Variants in DNAI3 observed in about 807,000 individuals in gnomAD.
The protein encoded by DNAI3 is WD repeat domain 63.
DNAI3 carries 83 observed loss-of-function variants against 115.5 expected under a neutral mutation model. That is an observed-to-expected ratio of 0.72 (90% CI 0.60 to 0.86). The LOEUF is 0.86. Among genes scored for constraint, DNAI3 ranks in the 40% least tolerant of loss-of-function variants. DNAI3 has a pLI of 0.00. For missense variants in DNAI3, 1,004 were observed against 1,075.8 expected (o/e 0.93, Z 0.93); for synonymous variants, 320 against 347.0 (o/e 0.92, Z 0.86).
intron 13 of DNAI3, 73 bp from the exon 14 acceptor site, chr1:85,104,448 CAAA>C (rs1443311724): frequency 7.8e-7 from 1 of 1,288,816 alleles, no homozygotes; most frequent in Admixed American, 1.9e-5. Context: ...ACATTTAAAA[CAAA>C]GAAGAAAAGA....
intron 21 of DNAI3, 48 bp downstream of exon 21, chr1:85,128,847 C>A: frequency 6.6e-7 from 1 of 1,514,668 alleles, no homozygotes; most frequent in Non-Finnish European, 9.1e-7. Flanking sequence ...CCAGATATTG[C>A]TGAGATATGT....
At chr1:85,091,033 C>G (rs1674173) in intron 8 of DNAI3, among the ~76,000 whole-genome samples, 74,862 of 151,950 alleles carry the variant, frequency 0.49, 18,700 homozygotes, top group East Asian at 0.7. Flanking sequence ...AACTCTCAAA[C>G]TTGTTACTTA....
At chr1:85,105,350 AT>A (rs1267087632) in intron 14 of DNAI3, among the ~76,000 whole-genome samples, 12 of 152,304 alleles carry the variant, frequency 7.9e-5, no homozygotes, top group African/African-American at 2.9e-4. Flanking sequence ...AGGGAAAGAA[AT>A]AAGCTTATTG....
chr1:85,086,898 C>T (rs1324920900), intron 7 of DNAI3, among the ~76,000 whole-genome samples: 1 of 151,930 alleles, frequency 6.6e-6, no homozygotes, highest in Non-Finnish European at 1.5e-5. Flanking sequence ...GCCTGTCATC[C>T]CAAATGAACC....
rs570839624 is a variant in DNAI3, at chr1:85,105,009, C to T, written c.1553+412C>T. 1.1e-4 allele frequency among the ~76,000 whole-genome samples: 17 copies of T among 152,194 alleles called. No homozygotes were observed. The South Asian group carries it at 2.5e-3, about 22-fold the overall frequency. On this transcript the variant is annotated intron_variant, in intron 14 of 22. Transcript: ENST00000294664. ...ATAAAAAGTGTTTTTATAAACAACTCGGTAGCTACTTTGAAGAAGATTTAC... is the reference window on the plus strand; with the variant it reads ...ATAAAAAGTGTTTTTATAAACAACTTGGTAGCTACTTTGAAGAAGATTTAC...
At chr1:85,108,347 T>G (rs1655553345) in intron 15 of DNAI3, among the ~76,000 whole-genome samples, 170 bp downstream of exon 15, 1 of 152,170 alleles carries the variant, frequency 6.6e-6, no homozygotes, top group South Asian at 2.1e-4. Context: ...GGGAGGATTT[T>G]TAGTTTTATT....
At chr1:85,125,478 C>A (rs996616188) in intron 19 of DNAI3, among the ~76,000 whole-genome samples, 1 of 151,308 alleles carries the variant, frequency 6.6e-6, no homozygotes, top group Admixed American at 6.6e-5. Context: ...TTAGAAACTA[C>A]TTAAATGGTC....
chr1:85,075,835 G>A (rs761148143), intron 3 of DNAI3, among the ~76,000 whole-genome samples: 1 of 152,192 alleles, frequency 6.6e-6, no homozygotes, highest in African/African-American at 2.4e-5. Flanking sequence ...AGACATGAAG[G>A]TGCTGTGACT....
At chr1:85,131,181 T>TCC (rs1344839398) in intron 22 of DNAI3, among the ~76,000 whole-genome samples, 1 of 152,146 alleles carries the variant, frequency 6.6e-6, no homozygotes, top group Non-Finnish European at 1.5e-5. Context: ...GCGCCGTGGC[T>TCC]CACACCTGTA....
chr1:85,078,859 C>T (rs1316947121), intron 3 of DNAI3, among the ~76,000 whole-genome samples: 2 of 152,146 alleles, frequency 1.3e-5, no homozygotes, highest in African/African-American at 2.4e-5. Context: ...AATGTTAGAT[C>T]CTATATTAGA....
In DNAI3 at chr1:85,108,055, A is replaced by G; in HGVS notation, c.1576A>G (p.Arg526Gly). The G allele has an allele frequency of 6.3e-7, 1 of 1,593,394 alleles. No individual in the cohort carries two copies. The highest frequency in any genetic ancestry group is 8.5e-7 in the Non-Finnish European group (1 of 1,172,952). Residue 526 changes from arginine (R) to glycine (G), a missense_variant, in exon 15 of 23, where the codon AGA (arginine) becomes GGA (glycine). Physicochemically the swap from Arg to Gly is moderately radical, Grantham distance 125. This residue lies in a region of DNAI3 where 429 missense variants were observed against 454.3 expected (regional missense o/e 0.94). Transcript: ENST00000294664. The part of the protein sequence containing the change: ...ADCTICFWDI[R>G]PQKPLTPQTT... ...TAGCACAATATGTTTTTGGGATATT[A>G]GACCACAGAAACCTTTAACCCCCCA... is the stretch of plus-strand genomic sequence containing the variant.
chr1:85,094,470 A>G lies in DNAI3; in HGVS notation c.1088A>G (p.Glu363Gly). The G allele has an allele frequency of 6.2e-7, 1 of 1,614,172 alleles. No homozygotes were observed. The highest frequency in any genetic ancestry group is 8.5e-7 in the Non-Finnish European group (1 of 1,180,024). ...TCGGTAGCCGTGCGACTTTCTTTTGAAGACAGAGTTCACTTTTCTGGTAAA... is the reference window on the plus strand; with the variant it reads ...TCGGTAGCCGTGCGACTTTCTTTTGGAGACAGAGTTCACTTTTCTGGTAAA... ...AVSVAVRLSFEDRVHFSGKLL... is the reference protein window; with the variant it reads ...AVSVAVRLSFGDRVHFSGKLL... The change falls in exon 10 of 23, where the codon GAA (glutamate) becomes GGA (glycine). Residue 363 changes from glutamate (E) to glycine (G), a missense_variant. Physicochemically the swap from Glu to Gly is moderately conservative, Grantham distance 98. Around this residue, in one of 3 missense-constraint regions of DNAI3, gnomAD observed 550 missense variants for 568.1 expected, o/e 0.97. Transcript: ENST00000294664.
intron 11 of DNAI3, among the ~76,000 whole-genome samples, chr1:85,096,660 C>T (rs1655135119): frequency 6.6e-6 from 1 of 151,892 alleles, no homozygotes; most frequent in African/African-American, 2.4e-5. Context: ...GTTTTATGGT[C>T]AAGGTTTAAA....
At chr1:85,106,908 G>A (rs1655505176) in intron 14 of DNAI3, among the ~76,000 whole-genome samples, 1 of 152,148 alleles carries the variant, frequency 6.6e-6, no homozygotes. Flanking sequence ...AAATGTAAGA[G>A]CTAAAACTAG....
At chr1:85,095,354 C>T (rs527394864) in intron 10 of DNAI3, among the ~76,000 whole-genome samples, 73 of 152,238 alleles carry the variant, frequency 4.8e-4, no homozygotes, top group African/African-American at 1.7e-3. Flanking sequence ...TTCCCCAATT[C>T]ATTTGAATTA....
intron 16 of DNAI3, among the ~76,000 whole-genome samples, chr1:85,111,992 C>T (rs935687213): frequency 6.6e-6 from 1 of 152,250 alleles, no homozygotes; most frequent in East Asian, 1.9e-4. Flanking sequence ...AACGGATCTA[C>T]TTTCTGTCAC....
chr1:85,096,077 G>A (rs1306856352), intron 11 of DNAI3, 57 bp downstream of exon 11: 2 of 1,523,664 alleles, frequency 1.3e-6, no homozygotes, highest in East Asian at 2.3e-5. Flanking sequence ...TTGGTAATAA[G>A]TTTTGACTTG....
At chr1:85,130,663 TAGATGATAGATA>T (rs1004536693) in intron 22 of DNAI3, among the ~76,000 whole-genome samples, 1 of 144,816 alleles carries the variant, frequency 6.9e-6, no homozygotes, top group African/African-American at 2.6e-5. Flanking sequence ...ATAGATTAGA[TAGATGATAGATA>T]GATAGATAGA....
chr1:85,085,417 C>A (rs1186115188), intron 6 of DNAI3, among the ~76,000 whole-genome samples: 2 of 152,150 alleles, frequency 1.3e-5, no homozygotes, highest in African/African-American at 4.8e-5. Context: ...AAGCGCTGAA[C>A]AGGGATATGG....
Sources: gnomAD v4.1 joint callset for allele counts (sites outside exome capture counted in the v4.1 genomes callset) on GRCh38, gnomAD v4.1.1 for gene constraint, gnomAD v4.1.1 regional missense constraint, MANE v1.5 for transcripts, NCBI Gene and HGNC (gene_info 2026-07-23, HGNC 2026-07-21) for gene names.